The following PCDHGA8 variants were observed in gnomAD, a reference collection of about 807,000 sequenced individuals.
PCDHGA8 encodes the protein protocadherin gamma subfamily A, 8.
Under a neutral mutation model 59.2 loss-of-function variants are expected in PCDHGA8, and 45 were observed. That is an observed-to-expected ratio of 0.76 (90% confidence interval 0.60 to 0.98). The LOEUF (loss-of-function observed/expected upper bound fraction) is 0.98. PCDHGA8 is among the 50% of genes least tolerant of loss of function. The pLI, the probability that PCDHGA8 is intolerant of heterozygous loss-of-function variation, is 0.00. For missense variants in PCDHGA8, 1,257 were observed against 1,196.2 expected, an observed-to-expected ratio of 1.05 and a Z score of -0.75; for synonymous variants, 531 against 519.0, an observed-to-expected ratio of 1.02 and a Z score of -0.32.
chr5:141,478,520 G>A, intron 1 of PCDHGA8: 1 of 1,610,510 alleles, frequency 6.2e-7, no homozygotes, highest in Non-Finnish European at 8.5e-7. Context: ...GCAGGTGTTG[G>A]GTGCAGAGAG....
chr5:141,402,949 A>C, intron 1 of PCDHGA8: 2 of 1,594,986 alleles, frequency 1.3e-6, no homozygotes, highest in South Asian at 1.1e-5. Flanking sequence ...AAAGCGAGGC[A>C]GCAATGGCAG....
rs757586675 is a variant in PCDHGA8, at chr5:141,399,621, C to T, written c.2424+4384C>T. The T allele has an allele frequency of 1.1e-5, 17 of 1,613,830 alleles. No individual in the cohort carries two copies. The African/African-American group carries it at 2.3e-4, about 22-fold the overall frequency. On this transcript the variant is annotated intron_variant, in intron 1 of 3. Transcript: ENST00000398604. Reference sequence around the variant, plus strand: ...GCGACCTAGAGCCTCTGGCACTGGCCTCTTACGTGTCCATGAGCGCGCAAA... The same window carrying T: ...GCGACCTAGAGCCTCTGGCACTGGCTTCTTACGTGTCCATGAGCGCGCAAA...
intron 1 of PCDHGA8, chr5:141,408,114 C>T (rs1191565539): frequency 5.5e-6 from 8 of 1,460,968 alleles, no homozygotes; most frequent in South Asian, 1.4e-5. Context: ...CGGGACTCCT[C>T]CTGTCCTGGG....
At chr5:141,426,844 A>C (rs1397752566) in intron 1 of PCDHGA8, 1 of 456,628 alleles carries the variant, frequency 2.2e-6, no homozygotes, top group Non-Finnish European at 4.4e-6. Context: ...ACTAAAGGCA[A>C]GAACGCTCCA....
intron 1 of PCDHGA8, among the ~76,000 whole-genome samples, chr5:141,464,886 A>T (rs541933775): frequency 5.2e-4 from 79 of 152,156 alleles, no homozygotes; most frequent in African/African-American, 1.9e-3. Flanking sequence ...CTACAGATGG[A>T]TGCCACCATG....
intron 2 of PCDHGA8, among the ~76,000 whole-genome samples, chr5:141,501,700 C>T (rs936448354): frequency 6.6e-6 from 1 of 151,950 alleles, no homozygotes; most frequent in African/African-American, 2.4e-5. Flanking sequence ...AGGGTGATTC[C>T]GAGGATAAAA....
In PCDHGA8 at chr5:141,431,779, G is replaced by A; in HGVS notation, c.2424+36542G>A. 2 of 1,614,232 alleles carry A rather than the reference G, an allele frequency of 1.2e-6. No individual in the cohort carries two copies. Among genetic ancestry groups the A allele is most frequent in the Non-Finnish European group, 1.7e-6 (2 of 1,180,030 alleles). ...AAGTCCTGATCACTGTTCTGGACGT[G>A]AACGACAATGCCCCAGAAGTGGTCC... On this transcript the variant is annotated intron_variant, in intron 1 of 3. Transcript: ENST00000398604. This position sits in a 1 kb window ranked among gnomAD's most constrained non-coding sequence, Gnocchi z 4.8.
intron 1 of PCDHGA8, chr5:141,422,585 T>C (rs1193597044): frequency 1.2e-6 from 2 of 1,613,930 alleles, no homozygotes; most frequent in African/African-American, 2.7e-5. Context: ...CCTCCCGTTT[T>C]TCCTCACTCC....
At chr5:141,425,110 C>T (rs1335909720) in intron 1 of PCDHGA8, among the ~76,000 whole-genome samples, 1 of 152,166 alleles carries the variant, frequency 6.6e-6, no homozygotes, top group East Asian at 1.9e-4. Context: ...CAGATGCCTA[C>T]ATTTTTCTTG....
In PCDHGA8 at chr5:141,478,136, C is replaced by G. The variant is rs529858044; in HGVS notation, c.2425-16671C>G. 1.4e-4 allele frequency: 218 copies of G among 1,614,048 alleles called. 3 individuals are homozygous for G. The South Asian group carries it at 2.2e-3, about 17-fold the overall frequency. ...AGTAACCGAGGACTCTCCTGAAGCC[C>G]GAGCCGAGTTCCCCTCTGGCTCTGC... is the stretch of plus-strand genomic sequence containing the variant. On this transcript the variant is annotated intron_variant, in intron 1 of 3. Coordinates refer to ENST00000398604, the MANE Select transcript of PCDHGA8 (RefSeq NM_032088.2).
At position 141,491,456 on chromosome 5, in the gene PCDHGA8, C is replaced by G; in HGVS notation, c.2425-3351C>G. On this transcript the variant is annotated intron_variant, in intron 1 of 3. Transcript: ENST00000398604. The surrounding 1 kb of genome is among the most constrained non-coding windows in gnomAD (Gnocchi z 6.9). Reference sequence around the variant, plus strand: ...TGCAGGCGCCAGGACTCACCCTCCCCGGACTTCTATAAGCAGTCCAGCCCC... The same window carrying G: ...TGCAGGCGCCAGGACTCACCCTCCCGGGACTTCTATAAGCAGTCCAGCCCC... 1 of 1,614,104 alleles carries G rather than the reference C, an allele frequency of 6.2e-7. No homozygotes were observed. The highest frequency in any genetic ancestry group is 8.5e-7 in the Non-Finnish European group (1 of 1,180,010).
Position 141,487,333 on chromosome 5 carries a change from C to T in PCDHGA8, c.2425-7474C>T. 6.2e-7 allele frequency: 1 copy of T among 1,614,176 alleles called. No homozygotes were observed. The highest frequency in any genetic ancestry group is 8.5e-7 in the Non-Finnish European group (1 of 1,180,022). On this transcript the variant is annotated intron_variant, in intron 1 of 3. Transcript: ENST00000398604. The surrounding 1 kb of genome is among the most constrained non-coding windows in gnomAD (Gnocchi z 5.0). ...TCTCTAAGTGTCTTCGTGGGGCAGC[C>T]TGTGGAGTCACATGCTTTCCTGCTG...
At chr5:141,471,654 G>A (rs1235665796) in intron 1 of PCDHGA8, 2 of 152,044 alleles carry the variant, frequency 1.3e-5, no homozygotes, top group South Asian at 2.1e-4. Flanking sequence ...CTGGATGTGG[G>A]GATGCAGAAA....
chr5:141,485,577 G>A lies in PCDHGA8; in HGVS notation c.2425-9230G>A. Reference sequence around the variant, plus strand: ...AATGATCACGCCCCCCGTTTTCCGCGGCAGCAGCTGGACTTGGAAATTGGG... The same window carrying A: ...AATGATCACGCCCCCCGTTTTCCGCAGCAGCAGCTGGACTTGGAAATTGGG... On this transcript the variant is annotated intron_variant, in intron 1 of 3. Transcript: ENST00000398604. This position sits in a 1 kb window ranked among gnomAD's most constrained non-coding sequence, Gnocchi z 5.7. 2 of 1,612,500 alleles carry A rather than the reference G, an allele frequency of 1.2e-6. No individual in the cohort carries two copies. Among genetic ancestry groups the A allele is most frequent in the Non-Finnish European group, 8.5e-7 (1 of 1,178,676 alleles).
At chr5:141,427,869 A>G in intron 1 of PCDHGA8, 3 of 1,559,604 alleles carry the variant, frequency 1.9e-6, no homozygotes, top group Non-Finnish European at 2.6e-6. Flanking sequence ...CTTCGAGCTC[A>G]CGATGCAGGC....
intron 1 of PCDHGA8, chr5:141,441,448 A>T (rs1415765869): frequency 1.2e-5 from 2 of 161,528 alleles, no homozygotes; most frequent in Non-Finnish European, 2.7e-5. Context: ...CAGCCCAAGC[A>T]TCACCCTACT....
chr5:141,446,482 CT>C (rs112180482), intron 1 of PCDHGA8, among the ~76,000 whole-genome samples: 30,290 of 146,632 alleles, frequency 0.21, 3,322 homozygotes, highest in African/African-American at 0.31. Flanking sequence ...GGTCATCATT[CT>C]TTTTTTTTTT....
In PCDHGA8 at chr5:141,477,362, G is replaced by T. The variant is rs920445601; in HGVS notation, c.2425-17445G>T. 6.2e-7 allele frequency: 1 copy of T among 1,614,142 alleles called. No individual in the cohort carries two copies. The highest frequency in any genetic ancestry group is 1.3e-5 in the African/African-American group (1 of 75,022). On this transcript the variant is annotated intron_variant, in intron 1 of 3. Coordinates refer to ENST00000398604, the MANE Select transcript of PCDHGA8 (RefSeq NM_032088.2). The surrounding 1 kb of genome is among the most constrained non-coding windows in gnomAD (Gnocchi z 4.9). ...CACTTTGAAAACCAGTGCAGACCTG[G>T]ATCGGGAGACTGTGCCAGAATACAA...
Position 141,511,376 on chromosome 5 carries a change from G to C in PCDHGA8, c.*203G>C. ...CCAGGGGGTTGAATATGCAAAAGCA[G>C]TTCCGCTGGGAACCCCCATCCAATC... On this transcript the variant is annotated 3_prime_UTR_variant, in exon 4 of 4. Coordinates refer to ENST00000398604, the MANE Select transcript of PCDHGA8 (RefSeq NM_032088.2). 1 of 1,211,520 alleles carries C rather than the reference G, an allele frequency of 8.3e-7. No homozygotes were observed. The allele number at this position is 1,211,520 out of a possible 1,614,324, so 75.0% of individuals were successfully genotyped here.
Sources: allele counts gnomAD v4.1 joint callset (sites outside exome capture counted in the v4.1 genomes callset), GRCh38; gene constraint gnomAD v4.1.1; non-coding constraint Gnocchi (gnomAD v3.1); transcripts MANE v1.5; gene names NCBI Gene and HGNC (gene_info 2026-07-23, HGNC 2026-07-21).